The following DYNC1I1 variants were observed in gnomAD, a reference collection of about 807,000 sequenced individuals.
The protein encoded by DYNC1I1 is cytoplasmic dynein 1 intermediate chain 1.
A neutral mutation model predicts 86.6 loss-of-function variants in DYNC1I1; 43 were observed. The observed-to-expected ratio is 0.50, with a 90% CI of 0.39 to 0.64. The LOEUF is 0.64. Among genes scored for constraint, DYNC1I1 ranks in the 30% least tolerant of loss-of-function variants. DYNC1I1 has a pLI of 0.00. For missense variants in DYNC1I1, 604 were observed against 788.8 expected, an observed-to-expected ratio of 0.77 and a Z score of 2.81; for synonymous variants, 262 against 283.7, an observed-to-expected ratio of 0.92 and a Z score of 0.77.
intron 6 of DYNC1I1, among the ~76,000 whole-genome samples, chr7:95,896,395 C>T (rs918224513): frequency 1.3e-5 from 2 of 152,168 alleles, no homozygotes; most frequent in Non-Finnish European, 2.9e-5. Flanking sequence ...ATAATGCGTG[C>T]TTATATTACT....
chr7:95,818,476 T>TTC, intron 4 of DYNC1I1: 2 of 462,900 alleles, frequency 4.3e-6, no homozygotes, highest in Non-Finnish European at 7.7e-6. Flanking sequence ...TGATTTAATT[T>TTC]TTTTTTTTTT....
At chr7:96,026,126 A>C (rs1794676636) in intron 10 of DYNC1I1, among the ~76,000 whole-genome samples, 1 of 152,236 alleles carries the variant, frequency 6.6e-6, no homozygotes, top group East Asian at 1.9e-4. Context: ...TTTTTCTTTA[A>C]TTCAGTATCA....
At chr7:95,933,039 C>A (rs1466588582) in intron 6 of DYNC1I1, among the ~76,000 whole-genome samples, 1 of 151,862 alleles carries the variant, frequency 6.6e-6, no homozygotes, top group African/African-American at 2.4e-5. Context: ...TGTCATCACA[C>A]TTGGCTAATT....
At chr7:96,009,618 G>T (rs1179201240) in intron 10 of DYNC1I1, among the ~76,000 whole-genome samples, 1 of 152,146 alleles carries the variant, frequency 6.6e-6, no homozygotes, top group Non-Finnish European at 1.5e-5. Context: ...TGTTGTTCCA[G>T]TAGCACCCTT....
chr7:96,053,460 G>A (rs1168724163), intron 14 of DYNC1I1, among the ~76,000 whole-genome samples: 2 of 151,950 alleles, frequency 1.3e-5, no homozygotes, highest in African/African-American at 2.4e-5. Context: ...AATTTGGGGG[G>A]CCAAATATAT....
At chr7:96,101,184 G>C (rs751089232), downstream of DYNC1I1, among the ~76,000 whole-genome samples, 1 of 152,180 alleles carries the variant, frequency 6.6e-6, no homozygotes, top group Non-Finnish European at 1.5e-5. Context: ...TTACCCATAG[G>C]AAGTTGTGGG....
chr7:95,808,024 C>T (rs1794741409), intron 2 of DYNC1I1, among the ~76,000 whole-genome samples: 1 of 152,076 alleles, frequency 6.6e-6, no homozygotes, highest in Non-Finnish European at 1.5e-5. Context: ...AACATATGAA[C>T]TAGTCAGGGC....
At chr7:96,103,980 A>G (rs1791176631) in intron 16 of DYNC1I1, among the ~76,000 whole-genome samples, 1 of 152,110 alleles carries the variant, frequency 6.6e-6, no homozygotes, top group Non-Finnish European at 1.5e-5. Context: ...TATTTTAGCT[A>G]TTTTGGTGAG....
chr7:95,930,155 T>C (rs1791852227), intron 6 of DYNC1I1, among the ~76,000 whole-genome samples: 1 of 152,258 alleles, frequency 6.6e-6, no homozygotes, highest in Non-Finnish European at 1.5e-5. Flanking sequence ...ATTTATTCTA[T>C]TCTAGCCTGG....
intron 5 of DYNC1I1, among the ~76,000 whole-genome samples, chr7:95,831,082 A>T (rs1400567512): frequency 6.6e-6 from 1 of 152,114 alleles, no homozygotes; most frequent in Non-Finnish European, 1.5e-5. Context: ...TTATTTTCTC[A>T]TAATTGATTT....
intron 6 of DYNC1I1, among the ~76,000 whole-genome samples, chr7:95,929,783 A>T (rs976481869): frequency 2.0e-5 from 3 of 152,220 alleles, no homozygotes; most frequent in African/African-American, 4.8e-5. Flanking sequence ...TTCATGGCTA[A>T]CATCTTTCAT....
At chr7:95,774,051 A>G (rs1405613153) in intron 1 of DYNC1I1, among the ~76,000 whole-genome samples, 1 of 152,202 alleles carries the variant, frequency 6.6e-6, no homozygotes, top group African/African-American at 2.4e-5. Flanking sequence ...ATATTTCTCA[A>G]TAAAATAAAA....
chr7:96,018,629 G>T (rs1794458317), intron 10 of DYNC1I1, among the ~76,000 whole-genome samples: 1 of 152,180 alleles, frequency 6.6e-6, no homozygotes, highest in Non-Finnish European at 1.5e-5. Flanking sequence ...ATGCTGAAGA[G>T]AAGTTGGGAC....
intron 1 of DYNC1I1, among the ~76,000 whole-genome samples, chr7:95,785,785 A>G (rs1208310759): frequency 0.32 from 18,248 of 57,728 alleles, 1,445 homozygotes; most frequent in African/African-American, 0.45. Flanking sequence ...GTATATATAT[A>G]TATATATATA....
chr7:96,084,442 CTTTTT>C (rs11369815), intron 16 of DYNC1I1, among the ~76,000 whole-genome samples: 1 of 124,744 alleles, frequency 8.0e-6, no homozygotes, highest in Non-Finnish European at 1.6e-5. Context: ...TTTTTCTTTT[CTTTTT>C]TTTTTTTTTT....
intron 9 of DYNC1I1, among the ~76,000 whole-genome samples, chr7:95,990,850 C>T (rs1261539897): frequency 6.6e-6 from 1 of 151,954 alleles, no homozygotes; most frequent in East Asian, 1.9e-4. Context: ...GGCAACATGG[C>T]AAAACCCCAT....
chr7:95,846,952 C>T (rs80192231), intron 5 of DYNC1I1, among the ~76,000 whole-genome samples: 231 of 152,300 alleles, frequency 1.5e-3, no homozygotes, highest in African/African-American at 5.1e-3. Context: ...CCCAGGTCCT[C>T]ATTTTGAATT....
At chr7:95,970,935 C>CAG (rs2308241) in intron 6 of DYNC1I1, among the ~76,000 whole-genome samples, 123,025 of 152,010 alleles carry the variant, frequency 0.81, 50,113 homozygotes, top group East Asian at 0.92. Flanking sequence ...GCTGTAAAGA[C>CAG]AGGCAGATTC....
In DYNC1I1 at chr7:96,080,443, T is replaced by A. The variant is rs1790479890; in HGVS notation, c.1731T>A (p.Ala577=). ...VRWAQAGKEV[A]VGDSEGRIWV... Reference sequence around the variant, plus strand: ...GGGCCCAAGCTGGCAAAGAAGTTGCTGTTGGGGACTCGGAAGGCCGTATTT... The same window carrying A: ...GGGCCCAAGCTGGCAAAGAAGTTGCAGTTGGGGACTCGGAAGGCCGTATTT... The change falls in exon 16 of 17, where the codon GCT becomes GCA. Residue 577 remains alanine, a synonymous_variant. Transcript: ENST00000447467. The A allele has an allele frequency of 1.2e-6, 2 of 1,614,054 alleles. No homozygotes were observed. The highest frequency in any genetic ancestry group is 2.7e-5 in the African/African-American group (2 of 74,924).
Sources: allele counts gnomAD v4.1 joint callset (sites outside exome capture counted in the v4.1 genomes callset), GRCh38; gene constraint gnomAD v4.1.1; transcripts MANE v1.5; gene names NCBI Gene and HGNC (gene_info 2026-07-23, HGNC 2026-07-21).